Variants in ST3GAL1 observed in about 807,000 individuals in gnomAD.
The protein encoded by ST3GAL1 is ST3 beta-galactoside alpha-2,3-sialyltransferase 1, also known as CMP-N-acetylneuraminate-beta-galactosamide-alpha-2,3-sialyltransferase 1.
Under a neutral mutation model 34.1 loss-of-function variants are expected in ST3GAL1, and 16 were observed. The observed-to-expected ratio is 0.47, with a 90% CI of 0.32 to 0.71. The LOEUF (loss-of-function observed/expected upper bound fraction) is 0.71. Ranked by LOEUF, ST3GAL1 falls within the 30% of genes least tolerant of loss-of-function variation. The pLI, the probability that ST3GAL1 is intolerant of heterozygous loss-of-function variation, is 0.04. For missense variants in ST3GAL1, 353 were observed against 447.4 expected, an observed-to-expected ratio of 0.79 and a Z score of 1.90; for synonymous variants, 191 against 184.7, an observed-to-expected ratio of 1.03 and a Z score of -0.28.
intron 1 of ST3GAL1, among the ~76,000 whole-genome samples, chr8:133,553,552 T>C (rs1460429400): frequency 6.6e-6 from 1 of 152,234 alleles, no homozygotes; most frequent in East Asian, 1.9e-4. Flanking sequence ...TCAGTACCTG[T>C]GTCTCCTCTT....
chr8:133,532,122 T>C (rs1339070646), intron 2 of ST3GAL1, among the ~76,000 whole-genome samples: 1 of 152,214 alleles, frequency 6.6e-6, no homozygotes, highest in Non-Finnish European at 1.5e-5. Flanking sequence ...AATACCACTC[T>C]TCTAATTTTG....
chr8:133,535,169 C>T (rs1457090997), intron 2 of ST3GAL1, among the ~76,000 whole-genome samples: 2 of 152,220 alleles, frequency 1.3e-5, no homozygotes, highest in Non-Finnish European at 2.9e-5. Flanking sequence ...AGAGCACATG[C>T]AAACCTCACA....
chr8:133,459,783 C>T lies in ST3GAL1; in HGVS notation c.1004G>A (p.Arg335Gln), dbSNP rs370215769. ...ACTGCGTCATCTCCCCTTGAAGATCCGGATTTTATTGATGGAGGCCAAGGT... is the reference window on the plus strand; with the variant it reads ...ACTGCGTCATCTCCCCTTGAAGATCTGGATTTTATTGATGGAGGCCAAGGT... ...TATLASINKI[R>Q]IFKGR Residue 335 changes from arginine (R) to glutamine (Q), a missense_variant, in exon 10 of 10, where the codon CGG (arginine) becomes CAG (glutamine). Transcript: ENST00000522652. The surrounding 1 kb of genome is among the most constrained non-coding windows in gnomAD (Gnocchi z 4.7). The T allele has an allele frequency of 3.2e-5, 51 of 1,612,494 alleles. No homozygotes were observed. The highest frequency in any genetic ancestry group is 9.9e-5 in the South Asian group (9 of 90,854).
chr8:133,466,228 G>C lies in ST3GAL1; in HGVS notation c.307-138C>G, dbSNP rs559156720. 1 of 809,180 alleles carries C rather than the reference G, an allele frequency of 1.2e-6. No individual in the cohort carries two copies. Among genetic ancestry groups the C allele is most frequent in the African/African-American group, 1.7e-5 (1 of 57,558 alleles). The allele number at this position is 809,180 out of a possible 1,614,324, so 50.1% of individuals were successfully genotyped here. ...TCTCTGCTGGGCCCCCGGAGATGGAGGCGGCTCACACACAGACACCTCCAC... is the reference window on the plus strand; with the variant it reads ...TCTCTGCTGGGCCCCCGGAGATGGACGCGGCTCACACACAGACACCTCCAC... On this transcript the variant is annotated intron_variant, in intron 5 of 9. Transcript: ENST00000522652. The surrounding 1 kb of genome is among the most constrained non-coding windows in gnomAD (Gnocchi z 4.4).
At chr8:133,559,035 T>TTGTGTG (rs34571050) in intron 1 of ST3GAL1, among the ~76,000 whole-genome samples, 9,741 of 149,188 alleles carry the variant, frequency 0.065, 926 homozygotes, top group African/African-American at 0.22. Context: ...GAGTGTGGTT[T>TTGTGTG]TGTGTGTGTG....
At chr8:133,544,298 C>T (rs1167982540) in intron 2 of ST3GAL1, among the ~76,000 whole-genome samples, 3 of 152,234 alleles carry the variant, frequency 2.0e-5, no homozygotes, top group Non-Finnish European at 4.4e-5. Flanking sequence ...GCCATGCCCC[C>T]AGTCTTGTCC....
chr8:133,465,091 C>A, intron 6 of ST3GAL1, 134 bp from the exon 7 acceptor site: 1 of 819,626 alleles, frequency 1.2e-6, no homozygotes, highest in Non-Finnish European at 1.9e-6. Flanking sequence ...TCCTTCTCCT[C>A]ATCTGTAAAA....
rs745391673 is a variant in ST3GAL1, at chr8:133,571,827, TTCC to T, written c.-719_-717del. The T allele has an allele frequency of 1.1e-4, 17 of 153,890 alleles. No homozygotes were observed. The highest frequency in any genetic ancestry group is 2.6e-4 in the Admixed American group (4 of 15,304). The allele number at this position is 153,890 out of a possible 1,614,324, so 9.5% of individuals were successfully genotyped here. A position where few individuals can be genotyped will look rare whatever the true frequency, so the allele number is the denominator to read the frequency against. On this transcript the variant is annotated 5_prime_UTR_variant, in exon 1 of 10. Transcript: ENST00000522652. This position sits in a 1 kb window ranked among gnomAD's most constrained non-coding sequence, Gnocchi z 6.7. ...CCTCTTCCTTCTCTCTCCGCTCTTC[TTCC>T]TCCTCCTCCTCCCTCCGGTCTAGGG... is the stretch of plus-strand genomic sequence containing the variant.
In ST3GAL1 at chr8:133,469,991, C is replaced by A. The variant is rs1006539438; in HGVS notation, c.307-3901G>T. Among the ~76,000 whole-genome samples the A allele has an allele frequency of 2.6e-5, 4 of 152,214 alleles. No homozygotes were observed. Among genetic ancestry groups the A allele is most frequent in the African/African-American group, 9.6e-5 (4 of 41,454 alleles). On this transcript the variant is annotated intron_variant, in intron 5 of 9. Coordinates refer to ENST00000522652, the MANE Select transcript of ST3GAL1 (RefSeq NM_173344.3). The surrounding 1 kb of genome is among the most constrained non-coding windows in gnomAD (Gnocchi z 4.3). ...AGGTAGAGCTCAGATGGGAAACTGG[C>A]TCTTTCTCTAGATTATCATAGTAAG... is the stretch of plus-strand genomic sequence containing the variant.
intron 2 of ST3GAL1, among the ~76,000 whole-genome samples, chr8:133,527,277 A>G (rs1031973346): frequency 6.6e-6 from 1 of 152,120 alleles, no homozygotes; most frequent in Non-Finnish European, 1.5e-5. Context: ...TGGAAATCGA[A>G]TCACCCAGCT....
chr8:133,570,372 C>G lies in ST3GAL1; in HGVS notation c.-582+1321G>C, dbSNP rs1456639468. ...TCACTGCCCTCAGGGTCACGGCTGACTCCCTCTGCGGGACTCGCCCAGCCC... is the reference window on the plus strand; with the variant it reads ...TCACTGCCCTCAGGGTCACGGCTGAGTCCCTCTGCGGGACTCGCCCAGCCC... On this transcript the variant is annotated intron_variant, in intron 1 of 9. Coordinates refer to ENST00000522652, the MANE Select transcript of ST3GAL1 (RefSeq NM_173344.3). The surrounding 1 kb of genome is among the most constrained non-coding windows in gnomAD (Gnocchi z 5.6). The G allele has an allele frequency of 6.6e-6, 1 of 152,282 alleles. No homozygotes were observed. The highest frequency in any genetic ancestry group is 1.5e-5 in the Non-Finnish European group (1 of 68,076). The allele number at this position is 152,282 out of a possible 1,614,324, so 9.4% of individuals were successfully genotyped here.
At position 133,462,014 on chromosome 8, in the gene ST3GAL1, C is replaced by T. The variant is rs138801967; in HGVS notation, c.730-20G>A. ...CAGGATCTGCGGGGATGGGAAGACA[C>T]GGCCCTTAGTGAGTTCTGGGGGGCA... On this transcript the variant is annotated intron_variant, in intron 8 of 9. Coordinates refer to ENST00000522652, the MANE Select transcript of ST3GAL1 (RefSeq NM_173344.3). The T allele has an allele frequency of 3.4e-3, 5,543 of 1,613,754 alleles. 48 individuals are homozygous for T. Among genetic ancestry groups the T allele is most frequent in the South Asian group, 0.018 (1,639 of 91,054 alleles).
At chr8:133,562,584 G>C (rs766604413) in intron 1 of ST3GAL1, among the ~76,000 whole-genome samples, 1 of 152,176 alleles carries the variant, frequency 6.6e-6, no homozygotes, top group Admixed American at 6.5e-5. Flanking sequence ...GGTCAGGGCT[G>C]TAGTTGCTGG....
At position 133,457,557 on chromosome 8, in the gene ST3GAL1, A is replaced by G. The variant is rs1346525345; in HGVS notation, c.*2207T>C. The G allele has an allele frequency of 6.6e-6, 1 of 152,198 alleles. No homozygotes were observed. The highest frequency in any genetic ancestry group is 2.4e-5 in the African/African-American group (1 of 41,448). 9.4% of individuals were successfully genotyped at this position (152,198 alleles called of 1,614,324 possible). ...GTTCTGAATGATGACTCAGTGATTT[A>G]CCAGCCTTTCTCAGAAAAAAGAAAA... On this transcript the variant is annotated 3_prime_UTR_variant, in exon 10 of 10. Transcript: ENST00000522652.
rs148697915 is a variant in ST3GAL1 at position 133,484,776 on chromosome 8, C to T, written c.-373-8176G>A. 7.0e-3 allele frequency among the ~76,000 whole-genome samples: 1,065 copies of T among 152,244 alleles called. 9 individuals carry two copies. Among genetic ancestry groups the T allele is most frequent in the African/African-American group, 0.024 (988 of 41,542 alleles). The stretch of plus-strand genomic sequence containing the variant: ...TTGCTGGGCTTTAAAAAGCCCACCC[C>T]GCCCCAGGATTCCTGCCACCTGTCC... On this transcript the variant is annotated intron_variant, in intron 3 of 9. Transcript: ENST00000522652.
At chr8:133,481,407 T>A (rs1468893883) in intron 3 of ST3GAL1, among the ~76,000 whole-genome samples, 1 of 152,224 alleles carries the variant, frequency 6.6e-6, no homozygotes, top group East Asian at 1.9e-4. Context: ...CCAATTTCTG[T>A]CTCCCCTGTA....
intron 1 of ST3GAL1, among the ~76,000 whole-genome samples, chr8:133,565,124 T>C (rs1819351476): frequency 6.6e-6 from 1 of 151,190 alleles, no homozygotes; most frequent in Admixed American, 6.6e-5. Context: ...CTGTTGCAGA[T>C]TCAAATGAGA....
At chr8:133,542,785 A>C (rs1818569710) in intron 2 of ST3GAL1, among the ~76,000 whole-genome samples, 1 of 151,302 alleles carries the variant, frequency 6.6e-6, no homozygotes, top group East Asian at 1.9e-4. Context: ...ATCTCAAAAA[A>C]AAAAAAAAAA....
intron 1 of ST3GAL1, chr8:133,569,969 T>C (rs1819518415): frequency 6.6e-6 from 1 of 152,392 alleles, no homozygotes; most frequent in Non-Finnish European, 1.5e-5. Context: ...AACTCCATTT[T>C]AGAGACTGGA....
Sources: gnomAD v4.1 joint callset for allele counts (sites outside exome capture counted in the v4.1 genomes callset) on GRCh38, gnomAD v4.1.1 for gene constraint, Gnocchi (gnomAD v3.1) non-coding constraint, MANE v1.5 for transcripts, NCBI Gene and HGNC (gene_info 2026-07-23, HGNC 2026-07-21) for gene names.